SHH: variants seen among roughly 807,000 people sequenced by gnomAD.
The protein encoded by SHH is sonic hedgehog protein.
A neutral mutation model predicts 16.6 loss-of-function variants in SHH; 3 were observed. That is an observed-to-expected ratio of 0.18 (90% CI 0.08 to 0.47). The LOEUF (loss-of-function observed/expected upper bound fraction) is 0.47, where lower values mean the gene tolerates loss of function less well. Among genes scored for constraint, SHH ranks in the 20% least tolerant of loss-of-function variants. The pLI is 0.98. For synonymous variants in SHH, 351 were observed against 316.2 expected (o/e 1.11, Z -1.17); for missense variants, 499 against 665.0 (o/e 0.75, Z 2.75).
chr7:155,800,215 G>C lies in SHH; in HGVS notation c.*2685C>G, dbSNP rs1477877704. ...GCACCCTCTTGATGCCCTGTACCTAGTGTCTCTAAGCAGTGGTTTCCTTTC... is the reference window on the plus strand; with the variant it reads ...GCACCCTCTTGATGCCCTGTACCTACTGTCTCTAAGCAGTGGTTTCCTTTC... On this transcript the variant is annotated 3_prime_UTR_variant, in exon 3 of 3. Coordinates refer to ENST00000297261, the MANE Select transcript of SHH (RefSeq NM_000193.4). The C allele has an allele frequency of 2.1e-6, 1 of 470,898 alleles. No homozygotes were observed. Among genetic ancestry groups the C allele is most frequent in the African/African-American group, 2.0e-5 (1 of 50,058 alleles). 29.2% of individuals were successfully genotyped at this position (470,898 alleles called of 1,614,324 possible). A position where few individuals can be genotyped will look rare whatever the true frequency, so the allele number is the denominator to read the frequency against.
Position 155,800,516 on chromosome 7 carries a change from G to A in SHH, c.*2384C>T. 2.1e-6 allele frequency: 1 copy of A among 469,814 alleles called. No individual in the cohort carries two copies. The highest frequency in any genetic ancestry group is 4.4e-6 in the Non-Finnish European group (1 of 226,708). The allele number at this position is 469,814 out of a possible 1,614,324, so 29.1% of individuals were successfully genotyped here. A position where few individuals can be genotyped will look rare whatever the true frequency, so the allele number is the denominator to read the frequency against. ...ATCGTCTGGGCTGCACGGCCACATT[G>A]CCAGGTCTGTCTACACAGCCAGAGG... On this transcript the variant is annotated 3_prime_UTR_variant, in exon 3 of 3. Coordinates refer to ENST00000297261, the MANE Select transcript of SHH (RefSeq NM_000193.4).
intron 2 of SHH, among the ~76,000 whole-genome samples, chr7:155,805,840 G>C (rs905189270): frequency 6.6e-5 from 10 of 152,230 alleles, no homozygotes; most frequent in Non-Finnish European, 1.2e-4. Flanking sequence ...GCCCGGCGGG[G>C]AGGAGCCAGG....
At position 155,811,773 on chromosome 7, in the gene SHH, G is replaced by A. The variant is rs778992493; in HGVS notation, c.300+50C>T. ...TAAGTCTGGAAGTGTTCGGCTTCTCGTAACCCCCTGGAAAGCCACACATTC... is the reference window on the plus strand; with the variant it reads ...TAAGTCTGGAAGTGTTCGGCTTCTCATAACCCCCTGGAAAGCCACACATTC... On this transcript the variant is annotated intron_variant, in intron 1 of 2. Transcript: ENST00000297261. 12 of 1,574,012 alleles carry A rather than the reference G, an allele frequency of 7.6e-6. No homozygotes were observed. The South Asian group carries it at 7.7e-5, about 10-fold the overall frequency.
Position 155,807,312 on chromosome 7 carries a change from G to C in SHH, c.301-755C>G, listed in dbSNP as rs1477035107. The C allele has an allele frequency of 6.5e-6, 1 of 153,876 alleles. No homozygotes were observed. Among genetic ancestry groups the C allele is most frequent in the African/African-American group, 2.4e-5 (1 of 41,448 alleles). 9.5% of individuals were successfully genotyped at this position (153,876 alleles called of 1,614,324 possible). On this transcript the variant is annotated intron_variant, in intron 1 of 2. Coordinates refer to ENST00000297261, the MANE Select transcript of SHH (RefSeq NM_000193.4). This position sits in a 1 kb window ranked among gnomAD's most constrained non-coding sequence, Gnocchi z 7.1. ...TGCCCGTCGAACCCTTTTCTGCCTG[G>C]CTTTTCTGTGGTCTGATTGTGTTTC...
rs1191129363 is a variant in SHH at position 155,803,131 on chromosome 7, G to A, written c.1158C>T (p.Leu386=). ...TGCGCGCGGGCGCCAGTGCAGCCAG[G>A]AGCGCGTGCGCCAGGCGGAAGGGCG... ...AFAPFRLAHA[L]LAALAPARTD... The change falls in exon 3 of 3, where the codon CTC becomes CTT. Residue 386 remains leucine, a synonymous_variant. Coordinates refer to ENST00000297261, the MANE Select transcript of SHH (RefSeq NM_000193.4). 7.1e-6 allele frequency: 10 copies of A among 1,405,596 alleles called. No homozygotes were observed. In the East Asian group the frequency reaches 1.6e-4, roughly 22 times the overall value. 87.1% of individuals were successfully genotyped at this position (1,405,596 alleles called of 1,614,324 possible). A position where few individuals can be genotyped will look rare whatever the true frequency, so the allele number is the denominator to read the frequency against.
chr7:155,808,262 A>G (rs1269212528), intron 1 of SHH, among the ~76,000 whole-genome samples: 1 of 152,186 alleles, frequency 6.6e-6, no homozygotes, highest in Non-Finnish European at 1.5e-5. Flanking sequence ...GTCAGTGTAG[A>G]GCTATGATGT....
chr7:155,800,345 A>C lies in SHH; in HGVS notation c.*2555T>G. The C allele has an allele frequency of 2.4e-6, 1 of 413,456 alleles. No homozygotes were observed. The highest frequency in any genetic ancestry group is 1.8e-5 in the South Asian group (1 of 55,764). The allele number at this position is 413,456 out of a possible 1,614,324, so 25.6% of individuals were successfully genotyped here. On this transcript the variant is annotated 3_prime_UTR_variant, in exon 3 of 3. Transcript: ENST00000297261. ...CACCCAGCAGCACGGACACTCTGCCACCGGGCCTGTCCAGGAGGGAGTGCC... is the reference window on the plus strand; with the variant it reads ...CACCCAGCAGCACGGACACTCTGCCCCCGGGCCTGTCCAGGAGGGAGTGCC...
intron 2 of SHH, among the ~76,000 whole-genome samples, chr7:155,804,418 C>A (rs1308949879): frequency 6.6e-6 from 1 of 152,204 alleles, no homozygotes; most frequent in African/African-American, 2.4e-5. Flanking sequence ...CAATAAAGGG[C>A]CCAGCATTGT....
At position 155,812,377 on chromosome 7, in the gene SHH, C is replaced by T. The variant is rs9333592; in HGVS notation, c.-255G>A. On this transcript the variant is annotated 5_prime_UTR_variant, in exon 1 of 3. Coordinates refer to ENST00000297261, the MANE Select transcript of SHH (RefSeq NM_000193.4). ...ATGGCAGGCTGCCGGCCGCTGATAA[C>T]GGAACACATCGGAGTTGGGTCGCGA... 34,915 of 575,804 alleles carry T rather than the reference C, an allele frequency of 0.061. 1,348 individuals carry two copies. The highest frequency in any genetic ancestry group is 0.076 in the Non-Finnish European group (24,461 of 320,364). 35.7% of individuals were successfully genotyped at this position (575,804 alleles called of 1,614,324 possible).
chr7:155,806,636 T>C, intron 1 of SHH, 79 bp from the exon 2 acceptor site: 1 of 1,577,428 alleles, frequency 6.3e-7, no homozygotes, highest in Non-Finnish European at 8.7e-7. Context: ...TCCATCAGCC[T>C]GCCCTGCCCA....
In SHH at chr7:155,800,159, A is replaced by T. The variant is rs570710567; in HGVS notation, c.*2741T>A. ...TTGGCTCCGTCAACCCTGAATGAGAAGTCGGCGCCTCGTCCTGGCGGGGCT... is the reference window on the plus strand; with the variant it reads ...TTGGCTCCGTCAACCCTGAATGAGATGTCGGCGCCTCGTCCTGGCGGGGCT... On this transcript the variant is annotated 3_prime_UTR_variant, in exon 3 of 3. Transcript: ENST00000297261. 2 of 471,500 alleles carry T rather than the reference A, an allele frequency of 4.2e-6. No individual in the cohort carries two copies. The highest frequency in any genetic ancestry group is 3.1e-5 in the South Asian group (2 of 64,576). The allele number at this position is 471,500 out of a possible 1,614,324, so 29.2% of individuals were successfully genotyped here.
chr7:155,806,635 C>A, intron 1 of SHH, 78 bp from the exon 2 acceptor site: 1 of 1,578,650 alleles, frequency 6.3e-7, no homozygotes, highest in Non-Finnish European at 8.7e-7. Flanking sequence ...CTCCATCAGC[C>A]TGCCCTGCCC....
intron 1 of SHH, chr7:155,806,877 T>C: frequency 2.2e-6 from 1 of 463,510 alleles, no homozygotes; most frequent in Non-Finnish European, 4.1e-6. Context: ...ACAAGTGACC[T>C]GCATGTTTAA....
chr7:155,806,797 G>A (rs1334303130), intron 1 of SHH: 2 of 622,788 alleles, frequency 3.2e-6, no homozygotes, highest in Non-Finnish European at 5.9e-6. Context: ...AGAGCTGGGG[G>A]CCTTTCTCCA....
chr7:155,800,555 G>A lies in SHH; in HGVS notation c.*2345C>T, dbSNP rs750356910. 7.9e-5 allele frequency: 37 copies of A among 470,752 alleles called. No homozygotes were observed. In the Middle Eastern group the frequency reaches 3.9e-3, roughly 50 times the overall value. The allele number at this position is 470,752 out of a possible 1,614,324, so 29.2% of individuals were successfully genotyped here. A position where few individuals can be genotyped will look rare whatever the true frequency, so the allele number is the denominator to read the frequency against. On this transcript the variant is annotated 3_prime_UTR_variant, in exon 3 of 3. Coordinates refer to ENST00000297261, the MANE Select transcript of SHH (RefSeq NM_000193.4). Reference sequence around the variant, plus strand: ...CACAGCCAGAGGAGCTGCTGTGCCCGGTGCTTCTGGTTCGCTTTCGACTGA... The same window carrying A: ...CACAGCCAGAGGAGCTGCTGTGCCCAGTGCTTCTGGTTCGCTTTCGACTGA...
intron 1 of SHH, 21 bp from the exon 2 acceptor site, chr7:155,806,578 C>A: frequency 2.5e-6 from 4 of 1,610,318 alleles, no homozygotes; most frequent in Non-Finnish European, 3.4e-6. Context: ...AAGGGGACCC[C>A]CACCGACGGA....
chr7:155,804,649 G>A (rs896769023), intron 2 of SHH, among the ~76,000 whole-genome samples: 1 of 152,046 alleles, frequency 6.6e-6, no homozygotes, highest in Non-Finnish European at 1.5e-5. Context: ...ATTTTAAATG[G>A]CGGGGCCTGT....
chr7:155,806,659 G>A (rs1659049971), intron 1 of SHH, 102 bp from the exon 2 acceptor site: 4 of 1,447,748 alleles, frequency 2.8e-6, no homozygotes, highest in Non-Finnish European at 3.9e-6. Context: ...CTCAAGGCGC[G>A]AGGGCCATGC....
chr7:155,810,073 C>T (rs962883062), intron 1 of SHH, among the ~76,000 whole-genome samples: 4 of 152,152 alleles, frequency 2.6e-5, no homozygotes, highest in African/African-American at 7.2e-5. Context: ...CAGCAGAGCC[C>T]GGCGGCTCCA....
Sources: allele counts gnomAD v4.1 joint callset (sites outside exome capture counted in the v4.1 genomes callset), GRCh38; gene constraint gnomAD v4.1.1; non-coding constraint Gnocchi (gnomAD v3.1); transcripts MANE v1.5; gene names NCBI Gene and HGNC (gene_info 2026-07-23, HGNC 2026-07-21).